Variants in TXN observed in about 807,000 individuals in gnomAD.
TXN encodes ADF.
A neutral mutation model predicts 16.5 loss-of-function variants in TXN; 10 were observed. The ratio of observed to expected loss-of-function variants is 0.61; its 90% CI spans 0.37 to 1.03. The LOEUF is 1.03. TXN is among the 50% of genes least tolerant of loss of function. The pLI, the probability that TXN is intolerant of heterozygous loss-of-function variation, is 0.01. For missense variants in TXN, 71 were observed against 122.5 expected (o/e 0.58, Z 1.98); for synonymous variants, 35 against 39.4 (o/e 0.89, Z 0.42).
chr9:110,254,134 C>T (rs1258806383), intron 1 of TXN, among the ~76,000 whole-genome samples: 1 of 144,106 alleles, frequency 6.9e-6, no homozygotes. Context: ...GGCCCTAAAG[C>T]ACCAACAGAG....
chr9:110,248,267 C>T, intron 3 of TXN, among the ~76,000 whole-genome samples: 1 of 152,206 alleles, frequency 6.6e-6, no homozygotes, highest in Non-Finnish European at 1.5e-5. Flanking sequence ...CACATTCACT[C>T]ACCACCCACT....
chr9:110,256,451 C>G lies in TXN; in HGVS notation c.-16G>C. 6.2e-7 allele frequency: 1 copy of G among 1,605,202 alleles called. No homozygotes were observed. Among genetic ancestry groups the G allele is most frequent in the Non-Finnish European group, 8.5e-7 (1 of 1,176,046 alleles). ...GCTTCACCATCTTGGCTGCTGGAGT[C>G]TGACGAGCGGCTGTAAGGACCGATG... On this transcript the variant is annotated 5_prime_UTR_variant, in exon 1 of 5. Coordinates refer to ENST00000374517, the MANE Select transcript of TXN (RefSeq NM_003329.4). The surrounding 1 kb of genome is among the most constrained non-coding windows in gnomAD (Gnocchi z 4.2).
intron 3 of TXN, among the ~76,000 whole-genome samples, chr9:110,249,125 C>CAAAAAAAAAAAA (rs71302631): frequency 7.4e-5 from 4 of 53,848 alleles, no homozygotes; most frequent in African/African-American, 1.4e-4. Context: ...AACTCCATCT[C>CAAAAAAAAAAAA]AAAAAAAAAA....
At chr9:110,252,223 C>CAAAAAAAAAAAAAAAAAAAAAAA (rs377246017) in intron 1 of TXN, among the ~76,000 whole-genome samples, 5 of 58,396 alleles carry the variant, frequency 8.6e-5, no homozygotes, top group African/African-American at 4.6e-4. Flanking sequence ...GACTCTGTCG[C>CAAAAAAAAAAAAAAAAAAAAAAA]AAAAAAAAAA....
At chr9:110,244,750 T>TA (rs1564366973) in intron 4 of TXN, 28 bp downstream of exon 4, 2 of 1,592,092 alleles carry the variant, frequency 1.3e-6, no homozygotes, top group East Asian at 4.5e-5. Flanking sequence ...ATTGCCCAGT[T>TA]AGAGTTTTAA....
At chr9:110,248,425 T>C (rs563741337) in intron 3 of TXN, among the ~76,000 whole-genome samples, 1 of 152,352 alleles carries the variant, frequency 6.6e-6, no homozygotes. Context: ...TGTTGTGTTA[T>C]AACTGCCTAC....
chr9:110,254,660 C>T (rs1433416731), intron 1 of TXN, among the ~76,000 whole-genome samples: 1 of 152,208 alleles, frequency 6.6e-6, no homozygotes, highest in Non-Finnish European at 1.5e-5. Flanking sequence ...AAGTTCCTGT[C>T]ACCCTTGTAC....
chr9:110,245,618 C>CTA (rs1170640168), intron 3 of TXN, among the ~76,000 whole-genome samples: 48 of 30,890 alleles, frequency 1.6e-3, no homozygotes, highest in African/African-American at 4.4e-3. Flanking sequence ...CACACACACA[C>CTA]TATATATATA....
At chr9:110,244,593 T>C (rs1045699170) in intron 4 of TXN, among the ~76,000 whole-genome samples, 185 bp downstream of exon 4, 46 of 152,174 alleles carry the variant, frequency 3.0e-4, no homozygotes, top group Admixed American at 2.5e-3. Context: ...CTAGGAAAGA[T>C]TGATTTTCAG....
At chr9:110,255,263 GTCTTC>G (rs1354381557) in intron 1 of TXN, among the ~76,000 whole-genome samples, 1 of 152,200 alleles carries the variant, frequency 6.6e-6, no homozygotes, top group Admixed American at 6.5e-5. Flanking sequence ...CTGGCGAGGG[GTCTTC>G]TACCGTTCGA....
intron 1 of TXN, among the ~76,000 whole-genome samples, chr9:110,252,223 C>CAAAAAA (rs377246017): frequency 6.9e-5 from 4 of 58,392 alleles, no homozygotes; most frequent in African/African-American, 3.7e-4. Context: ...GACTCTGTCG[C>CAAAAAA]AAAAAAAAAA....
intron 3 of TXN, among the ~76,000 whole-genome samples, chr9:110,248,136 TAAAA>T (rs556085548): frequency 6.6e-6 from 1 of 151,912 alleles, no homozygotes; most frequent in Non-Finnish European, 1.5e-5. Flanking sequence ...GTTAAAGAGT[TAAAA>T]AAATAAAAAA....
chr9:110,244,710 A>T, intron 4 of TXN, 68 bp downstream of exon 4: 8 of 1,341,240 alleles, frequency 6.0e-6, no homozygotes, highest in Non-Finnish European at 7.5e-6. Flanking sequence ...ACATCACTCC[A>T]GTGATTTATT....
intron 4 of TXN, 85 bp from the exon 5 acceptor site, chr9:110,244,304 T>A (rs1390875867): frequency 4.6e-6 from 2 of 430,680 alleles, no homozygotes; most frequent in Non-Finnish European, 7.6e-6. Context: ...TGTATTTATA[T>A]ATATACATAT....
At position 110,251,367 on chromosome 9, in the gene TXN, A is replaced by G; in HGVS notation, c.120T>C (p.Pro40=). 1 of 1,610,002 alleles carries G rather than the reference A, an allele frequency of 6.2e-7. No individual in the cohort carries two copies. Among genetic ancestry groups the G allele is most frequent in the Non-Finnish European group, 8.5e-7 (1 of 1,178,122 alleles). Residue 40 remains proline, a synonymous_variant, in exon 2 of 5, where the codon CCT becomes CCC. Coordinates refer to ENST00000374517, the MANE Select transcript of TXN (RefSeq NM_003329.4). Reference sequence around the variant, plus strand: ...ATTGTTTAATACTCACATGAAAGAAAGGCTTGATCATTTTGCAAGGCCCAC... The same window carrying G: ...ATTGTTTAATACTCACATGAAAGAAGGGCTTGATCATTTTGCAAGGCCCAC... The part of the protein sequence containing the change: ...TWCGPCKMIK[P]FFHSLSEKYS...
intron 3 of TXN, among the ~76,000 whole-genome samples, chr9:110,250,353 A>G (rs1046182057): frequency 6.6e-6 from 1 of 152,226 alleles, no homozygotes; most frequent in Non-Finnish European, 1.5e-5. Context: ...CTTGGTGTTT[A>G]TTTGTTAAAA....
Position 110,256,455 on chromosome 9 carries a change from C to T in TXN, c.-20G>A, listed in dbSNP as rs756294781. The stretch of plus-strand genomic sequence containing the variant: ...CACCATCTTGGCTGCTGGAGTCTGA[C>T]GAGCGGCTGTAAGGACCGATGGAAA... On this transcript the variant is annotated 5_prime_UTR_variant, in exon 1 of 5. Transcript: ENST00000374517. This position sits in a 1 kb window ranked among gnomAD's most constrained non-coding sequence, Gnocchi z 4.2. The T allele has an allele frequency of 9.3e-6, 15 of 1,604,280 alleles. No homozygotes were observed. In the Admixed American group the frequency reaches 2.0e-4, roughly 22 times the overall value.
At chr9:110,255,609 C>G (rs1837799153) in intron 1 of TXN, among the ~76,000 whole-genome samples, 1 of 152,232 alleles carries the variant, frequency 6.6e-6, no homozygotes, top group Non-Finnish European at 1.5e-5. Flanking sequence ...ACCTTGGGGA[C>G]TCAGTCATTC....
intron 1 of TXN, among the ~76,000 whole-genome samples, chr9:110,251,825 G>C (rs1952196673): frequency 6.6e-6 from 1 of 152,130 alleles, no homozygotes; most frequent in South Asian, 2.1e-4. Context: ...TCCATGTCAA[G>C]GCTAGGTATA....
Sources: gnomAD v4.1 joint callset for allele counts (sites outside exome capture counted in the v4.1 genomes callset) on GRCh38, gnomAD v4.1.1 for gene constraint, Gnocchi (gnomAD v3.1) non-coding constraint, MANE v1.5 for transcripts, NCBI Gene and HGNC (gene_info 2026-07-23, HGNC 2026-07-21) for gene names.